Variants in RAB38 observed in about 807,000 individuals in gnomAD.
The protein encoded by RAB38 is ras-related protein Rab-38.
Under a neutral mutation model 18.4 loss-of-function variants are expected in RAB38, and 15 were observed. That is an observed-to-expected ratio of 0.82 (90% CI 0.55 to 1.26). RAB38 has a LOEUF of 1.26. RAB38 is among the 50% of genes most tolerant of loss of function. The pLI, the probability that RAB38 is intolerant of heterozygous loss-of-function variation, is 0.00. For synonymous variants in RAB38, 101 were observed against 104.4 expected, an observed-to-expected ratio of 0.97 and a Z score of 0.20; for missense variants, 294 against 267.4, an observed-to-expected ratio of 1.10 and a Z score of -0.69.
rs1164364248 is a variant in RAB38, at chr11:88,113,769, G to C, written c.*219C>G. On this transcript the variant is annotated 3_prime_UTR_variant, in exon 3 of 3. Transcript: ENST00000243662. The stretch of plus-strand genomic sequence containing the variant: ...AGCTACATGACAGAAGTTTGTAACA[G>C]ACTAAATATTTTCAAAAGTTTGTAA... The C allele has an allele frequency of 3.5e-6, 2 of 575,014 alleles. No homozygotes were observed. Among genetic ancestry groups the C allele is most frequent in the Non-Finnish European group, 2.9e-6 (1 of 339,016 alleles). 35.6% of individuals were successfully genotyped at this position (575,014 alleles called of 1,614,324 possible). A position where few individuals can be genotyped will look rare whatever the true frequency, so the allele number is the denominator to read the frequency against.
At chr11:88,137,137 T>A (rs928488871) in intron 2 of RAB38, among the ~76,000 whole-genome samples, 2 of 152,114 alleles carry the variant, frequency 1.3e-5, no homozygotes, top group African/African-American at 4.8e-5. Flanking sequence ...TGACATGTAG[T>A]CCCCAGTGAA....
the RAB38 span, among the ~76,000 whole-genome samples, chr11:87,818,041 C>T: frequency 6.6e-6 from 1 of 152,172 alleles, no homozygotes; most frequent in Non-Finnish European, 1.5e-5. Flanking sequence ...GATACAAAAT[C>T]TTTTGTCCCA....
the RAB38 span, among the ~76,000 whole-genome samples, chr11:87,948,982 A>G: frequency 1.3e-5 from 2 of 151,920 alleles, no homozygotes; most frequent in Admixed American, 1.3e-4. Flanking sequence ...TCCTCCTTGT[A>G]CCTCTGGTAG....
the RAB38 span, among the ~76,000 whole-genome samples, chr11:87,902,157 AG>A: frequency 6.6e-6 from 1 of 151,584 alleles, no homozygotes; most frequent in African/African-American, 2.4e-5. Flanking sequence ...TCATACGGCT[AG>A]TAAGTGGTGG....
At chr11:88,105,606 A>T in the RAB38 span, among the ~76,000 whole-genome samples, 11,791 of 152,122 alleles carry the variant, frequency 0.078, 822 homozygotes, top group African/African-American at 0.18. Context: ...TTCTATGTAT[A>T]GGTTATGTGT....
the RAB38 span, among the ~76,000 whole-genome samples, chr11:87,826,276 G>A: frequency 3.3e-5 from 5 of 152,100 alleles, no homozygotes; most frequent in Admixed American, 6.6e-5. Flanking sequence ...TGGATGGTCA[G>A]AACAATATTA....
At chr11:88,004,197 G>A in the RAB38 span, among the ~76,000 whole-genome samples, 1 of 149,384 alleles carries the variant, frequency 6.7e-6, no homozygotes, top group East Asian at 1.9e-4. Flanking sequence ...GAATACAGAT[G>A]AAAGGACATA....
the RAB38 span, among the ~76,000 whole-genome samples, chr11:87,956,639 G>C: frequency 6.6e-6 from 1 of 152,138 alleles, no homozygotes; most frequent in Non-Finnish European, 1.5e-5. Flanking sequence ...CATGATATGT[G>C]AAAACATGGC....
At chr11:87,839,267 C>T in the RAB38 span, among the ~76,000 whole-genome samples, 1 of 152,098 alleles carries the variant, frequency 6.6e-6, no homozygotes, top group Non-Finnish European at 1.5e-5. Flanking sequence ...ATGGGTATCT[C>T]CAACTATGTA....
At chr11:87,806,959 A>T in the RAB38 span, among the ~76,000 whole-genome samples, 3 of 152,126 alleles carry the variant, frequency 2.0e-5, no homozygotes, top group African/African-American at 7.2e-5. Flanking sequence ...ATAGCCTGTT[A>T]GGAACCAGGC....
the RAB38 span, among the ~76,000 whole-genome samples, chr11:87,890,035 A>C: frequency 3.3e-3 from 503 of 151,980 alleles, 3 homozygotes; most frequent in African/African-American, 0.011. Flanking sequence ...AAAACCTTCT[A>C]TGTACAGGAC....
the RAB38 span, among the ~76,000 whole-genome samples, chr11:88,106,921 A>G: frequency 2.6e-5 from 4 of 152,182 alleles, no homozygotes; most frequent in Non-Finnish European, 5.9e-5. Flanking sequence ...TGCTAGTTGG[A>G]ACATCTGAGA....
chr11:88,086,455 T>A, the RAB38 span, among the ~76,000 whole-genome samples: 1 of 151,938 alleles, frequency 6.6e-6, no homozygotes, highest in Admixed American at 6.6e-5. Flanking sequence ...GTCTCCTGCC[T>A]AAGAGCTTAT....
intron 2 of RAB38, among the ~76,000 whole-genome samples, chr11:88,127,927 A>G (rs1225816823): frequency 6.6e-6 from 1 of 152,222 alleles, no homozygotes; most frequent in African/African-American, 2.4e-5. Context: ...AGTGACACAC[A>G]TTTGGAGTGT....
the RAB38 span, among the ~76,000 whole-genome samples, chr11:88,010,458 C>T: frequency 6.6e-6 from 1 of 152,082 alleles, no homozygotes; most frequent in Non-Finnish European, 1.5e-5. Flanking sequence ...TTAAAAAGTA[C>T]TTTGTTCAAA....
the RAB38 span, among the ~76,000 whole-genome samples, chr11:87,904,282 C>CATCT: frequency 6.6e-6 from 1 of 151,668 alleles, no homozygotes; most frequent in Non-Finnish European, 1.5e-5. Context: ...CTGTTATTGG[C>CATCT]ATCTTTATGT....
chr11:88,151,415 C>A (rs1368805078), intron 1 of RAB38, among the ~76,000 whole-genome samples: 1 of 152,312 alleles, frequency 6.6e-6, no homozygotes, highest in Admixed American at 6.5e-5. Flanking sequence ...CTACTTCTAA[C>A]TCTGTCTATT....
chr11:87,896,935 G>T, the RAB38 span, among the ~76,000 whole-genome samples: 1 of 151,520 alleles, frequency 6.6e-6, no homozygotes, highest in Non-Finnish European at 1.5e-5. Flanking sequence ...TCAGGCACTG[G>T]AGTGTTTCAT....
At chr11:87,977,896 T>A in the RAB38 span, among the ~76,000 whole-genome samples, 1 of 112,044 alleles carries the variant, frequency 8.9e-6, no homozygotes, top group Non-Finnish European at 1.7e-5. Flanking sequence ...GTCATAGATT[T>A]ACATATAATT....
Sources: allele counts gnomAD v4.1 joint callset (sites outside exome capture counted in the v4.1 genomes callset), GRCh38; gene constraint gnomAD v4.1.1; transcripts MANE v1.5; gene names NCBI Gene and HGNC (gene_info 2026-07-23, HGNC 2026-07-21).